ANK3: variants seen among roughly 807,000 people sequenced by gnomAD.
ANK3 encodes the protein ankyrin-3.
Under a neutral mutation model 370.9 loss-of-function variants are expected in ANK3, and 57 were observed. The ratio of observed to expected loss-of-function variants is 0.15; its 90% CI spans 0.12 to 0.19. The LOEUF is 0.19. Among genes scored for constraint, ANK3 ranks in the 10% least tolerant of loss-of-function variants. The pLI is 1.00. For synonymous variants in ANK3, 1,929 were observed against 1,946.3 expected (o/e 0.99, Z 0.23); for missense variants, 4,439 against 5,302.1 (o/e 0.84, Z 5.06).
intron 28 of ANK3, among the ~76,000 whole-genome samples, chr10:60,101,431 T>G (rs1039912053): frequency 1.3e-5 from 2 of 152,190 alleles, no homozygotes; most frequent in African/African-American, 4.8e-5. Context: ...TGAGTTTAAT[T>G]AAAGGAAGGT....
In ANK3 at chr10:60,073,260, C is replaced by T; in HGVS notation, c.7621G>A (p.Val2541Met). Residue 2541 changes from valine to methionine, a missense_variant, in exon 37 of 44, where the codon GTG becomes ATG. Coordinates refer to ENST00000280772, the MANE Select transcript of ANK3 (RefSeq NM_020987.5). Reference sequence around the variant, plus strand: ...CTAACATTGCCAGAATAGTGCAACACTGTCACTTTATCAAAATGCTCATCT... The same window carrying T: ...CTAACATTGCCAGAATAGTGCAACATTGTCACTTTATCAAAATGCTCATCT... ...SKDEHFDKVT[V>M]LHYSGNVSSP... 11 of 1,614,154 alleles carry T rather than the reference C, an allele frequency of 6.8e-6. No individual in the cohort carries two copies. Among genetic ancestry groups the T allele is most frequent in the Non-Finnish European group, 9.3e-6 (11 of 1,180,016 alleles).
chr10:60,169,838 GA>G (rs2132305974), intron 21 of ANK3, among the ~76,000 whole-genome samples: 1 of 152,152 alleles, frequency 6.6e-6, no homozygotes, highest in Admixed American at 6.5e-5. Flanking sequence ...TGGCCATTGG[GA>G]ACTCTTTTAG....
At chr10:60,561,902 T>A (rs1210961923) in intron 2 of ANK3, among the ~76,000 whole-genome samples, 3 of 152,238 alleles carry the variant, frequency 2.0e-5, no homozygotes, top group Non-Finnish European at 4.4e-5. Context: ...CTCTCCACTG[T>A]AGCAGCCTCT....
intron 2 of ANK3, among the ~76,000 whole-genome samples, chr10:60,492,737 GA>G (rs773889317): frequency 5.3e-5 from 6 of 112,880 alleles, no homozygotes; most frequent in Non-Finnish European, 9.5e-5. Flanking sequence ...AAGAAAGAAA[GA>G]AAAAAAAAAG....
intron 1 of ANK3, among the ~76,000 whole-genome samples, chr10:60,374,985 A>G (rs2060578666): frequency 6.6e-6 from 1 of 152,168 alleles, no homozygotes; most frequent in South Asian, 2.1e-4. Context: ...AGAGGAAAAA[A>G]GGGAAGAGAA....
chr10:60,416,075 A>C (rs1232512192), intron 2 of ANK3, among the ~76,000 whole-genome samples: 2 of 151,620 alleles, frequency 1.3e-5, no homozygotes, highest in East Asian at 3.9e-4. Context: ...CCCAAGAAAG[A>C]CCCTCATCCT....
chr10:60,531,244 G>T (rs140852424), intron 2 of ANK3, among the ~76,000 whole-genome samples: 1 of 151,950 alleles, frequency 6.6e-6, no homozygotes, highest in Non-Finnish European at 1.5e-5. Flanking sequence ...ACACAACCAC[G>T]CACAAAGAAC....
intron 1 of ANK3, among the ~76,000 whole-genome samples, chr10:60,331,601 A>G (rs975712595): frequency 1.3e-5 from 2 of 151,318 alleles, no homozygotes; most frequent in African/African-American, 2.4e-5. Flanking sequence ...AAAGACTCTC[A>G]TTGCAGCGAA....
At chr10:60,649,907 T>C (rs966881521) in intron 1 of ANK3, among the ~76,000 whole-genome samples, 16 of 152,202 alleles carry the variant, frequency 1.1e-4, no homozygotes, top group African/African-American at 3.9e-4. Flanking sequence ...ATGTGTCACC[T>C]TCAGATGGAA....
At chr10:60,244,350 T>C (rs1170944255) in intron 7 of ANK3, among the ~76,000 whole-genome samples, 2 of 152,224 alleles carry the variant, frequency 1.3e-5, no homozygotes, top group African/African-American at 2.4e-5. Flanking sequence ...GTTAAGTGGA[T>C]GATATCACTC....
At chr10:60,591,087 T>G (rs990610850) in intron 2 of ANK3, among the ~76,000 whole-genome samples, 3 of 152,204 alleles carry the variant, frequency 2.0e-5, no homozygotes, top group African/African-American at 7.2e-5. Context: ...CAGCAGGTTA[T>G]TCACAGAAGT....
chr10:60,432,813 C>G (rs1424675777), intron 2 of ANK3, among the ~76,000 whole-genome samples: 1 of 152,108 alleles, frequency 6.6e-6, no homozygotes, highest in Non-Finnish European at 1.5e-5. Context: ...CAAGTTCTTA[C>G]CAAGTGAAAT....
At chr10:60,377,666 C>T (rs1034713177) in intron 1 of ANK3, among the ~76,000 whole-genome samples, 68 of 152,184 alleles carry the variant, frequency 4.5e-4, no homozygotes, top group African/African-American at 1.6e-3. Flanking sequence ...AAGTAAAAGC[C>T]TTCTCCAAAT....
chr10:60,357,693 C>A (rs1013106026), intron 1 of ANK3, among the ~76,000 whole-genome samples: 1 of 152,124 alleles, frequency 6.6e-6, no homozygotes. Context: ...GCTTTTTCAG[C>A]CAAATAAGAA....
chr10:60,303,745 C>T (rs988188091), intron 1 of ANK3, among the ~76,000 whole-genome samples: 2 of 152,110 alleles, frequency 1.3e-5, no homozygotes, highest in South Asian at 2.1e-4. Context: ...GGGTATATTG[C>T]CAAAGAAATA....
At position 60,070,233 on chromosome 10, in the gene ANK3, C is replaced by T. The variant is rs1428520546; in HGVS notation, c.10648G>A (p.Gly3550Arg). 1 of 1,614,002 alleles carries T rather than the reference C, an allele frequency of 6.2e-7. No homozygotes were observed. ...LDFDPWSNNRGDDEVFDSKSR... is the reference protein window; with the variant it reads ...LDFDPWSNNRRDDEVFDSKSR... ...TTACTGTCAAAAACTTCATCATCCC[C>T]TCGGTTATTAGACCAAGGGTCAAAA... Residue 3550 changes from glycine to arginine, a missense_variant, in exon 37 of 44, where the codon GGG becomes AGG. Gly to Arg is a moderately radical substitution (Grantham distance 125). This residue lies in a region of ANK3 where 1,601 missense variants were observed against 1,731.7 expected (regional missense o/e 0.92). Transcript: ENST00000280772. The surrounding 1 kb of genome is among the most constrained non-coding windows in gnomAD (Gnocchi z 5.7).
intron 23 of ANK3, among the ~76,000 whole-genome samples, chr10:60,142,326 G>A (rs1346958898): frequency 6.6e-6 from 1 of 152,036 alleles, no homozygotes; most frequent in East Asian, 1.9e-4. Flanking sequence ...CTTTCTAGAA[G>A]CCGTCGCACC....
Position 60,172,398 on chromosome 10 carries a change from C to A in ANK3, c.2388G>T (p.Gly796=). The change falls in exon 21 of 44, where the codon GGG becomes GGT. Residue 796 remains glycine (G), a synonymous_variant. Coordinates refer to ENST00000280772, the MANE Select transcript of ANK3 (RefSeq NM_020987.5). ...NASPNELTVN[G]NTALGIARRL... is the part of the protein sequence containing the mutation. Reference sequence around the variant, plus strand: ...GCCGGGCAATGCCAAGGGCAGTATTCCCATTCTGGCAAAAGGAAAATGTGA... The same window carrying A: ...GCCGGGCAATGCCAAGGGCAGTATTACCATTCTGGCAAAAGGAAAATGTGA... The A allele has an allele frequency of 6.2e-7, 1 of 1,613,746 alleles. No individual in the cohort carries two copies. The highest frequency in any genetic ancestry group is 8.5e-7 in the Non-Finnish European group (1 of 1,179,698).
At chr10:60,264,925 A>G (rs1255540340) in intron 5 of ANK3, among the ~76,000 whole-genome samples, 1 of 152,064 alleles carries the variant, frequency 6.6e-6, no homozygotes, top group Non-Finnish European at 1.5e-5. Context: ...CAACACAAAG[A>G]TCATGCAAAA....
Sources: gnomAD v4.1 joint callset for allele counts (sites outside exome capture counted in the v4.1 genomes callset) on GRCh38, gnomAD v4.1.1 for gene constraint, gnomAD v4.1.1 regional missense constraint, Gnocchi (gnomAD v3.1) non-coding constraint, MANE v1.5 for transcripts, NCBI Gene and HGNC (gene_info 2026-07-23, HGNC 2026-07-21) for gene names.